LAMA2: variants seen among roughly 807,000 people sequenced by gnomAD.
The protein encoded by LAMA2 is laminin subunit alpha-2.
In LAMA2, 269 loss-of-function variants were observed where a neutral mutation model predicts 364.8. The ratio of observed to expected loss-of-function variants is 0.74; its 90% CI spans 0.67 to 0.82. The LOEUF (loss-of-function observed/expected upper bound fraction) is 0.82. LAMA2 is among the 40% of genes least tolerant of loss of function. The pLI is 0.00. For missense variants in LAMA2, 3,807 were observed against 3,873.2 expected, an observed-to-expected ratio of 0.98 and a Z score of 0.45; for synonymous variants, 1,379 against 1,370.6, an observed-to-expected ratio of 1.01 and a Z score of -0.14.
At chr6:129,273,601 T>G (rs770787768) in intron 17 of LAMA2, among the ~76,000 whole-genome samples, 20 of 152,154 alleles carry the variant, frequency 1.3e-4, no homozygotes, top group Non-Finnish European at 2.6e-4. Flanking sequence ...GACCCATTGT[T>G]GTCTCTTTAT....
intron 4 of LAMA2, among the ~76,000 whole-genome samples, chr6:129,101,331 G>C (rs1775508994): frequency 6.6e-6 from 1 of 152,086 alleles, no homozygotes; most frequent in African/African-American, 2.4e-5. Flanking sequence ...GTTAAACTCG[G>C]TACATACAGA....
chr6:128,991,704 A>T (rs1783624407), intron 1 of LAMA2, among the ~76,000 whole-genome samples: 1 of 152,226 alleles, frequency 6.6e-6, no homozygotes, highest in African/African-American at 2.4e-5. Flanking sequence ...CTAGGACAAA[A>T]TAAAATGAGA....
In LAMA2 at chr6:129,228,656, A is replaced by G. The variant is rs189896753; in HGVS notation, c.1783-21456A>G. On this transcript the variant is annotated intron_variant, in intron 12 of 64. Transcript: ENST00000421865. ...GAAAGAGAGAGCATATATACCCTGA[A>G]GGCATTTTTAATTATAATATTGTAA... Among the ~76,000 whole-genome samples the G allele has an allele frequency of 2.6e-4, 39 of 152,358 alleles. 1 individual carries two copies. Among genetic ancestry groups the G allele is most frequent in the Middle Eastern group, 3.4e-3 (1 of 294 alleles).
intron 51 of LAMA2, among the ~76,000 whole-genome samples, chr6:129,466,819 A>C (rs1401718037): frequency 6.6e-6 from 1 of 151,924 alleles, no homozygotes; most frequent in Non-Finnish European, 1.5e-5. Context: ...GAACCAGTGC[A>C]TAAGGGGACA....
intron 17 of LAMA2, among the ~76,000 whole-genome samples, chr6:129,271,929 A>G (rs1207274503): frequency 6.6e-6 from 1 of 152,160 alleles, no homozygotes; most frequent in Non-Finnish European, 1.5e-5. Context: ...ACTATAAGCT[A>G]AAGACTTTGA....
chr6:129,215,042 T>C (rs1783338876), intron 12 of LAMA2, among the ~76,000 whole-genome samples: 1 of 152,152 alleles, frequency 6.6e-6, no homozygotes, highest in African/African-American at 2.4e-5. Flanking sequence ...GTATAAATGG[T>C]CTTGTGTTTT....
chr6:129,327,225 A>G (rs1437919733), intron 28 of LAMA2, among the ~76,000 whole-genome samples: 1 of 152,190 alleles, frequency 6.6e-6, no homozygotes, highest in Non-Finnish European at 1.5e-5. Context: ...AAAATAAACA[A>G]GGAGGGTGCT....
intron 1 of LAMA2, among the ~76,000 whole-genome samples, chr6:128,987,135 T>G (rs548008283): frequency 0.096 from 3,557 of 37,184 alleles, 153 homozygotes; most frequent in African/African-American, 0.27. Context: ...TGTTTTTTTT[T>G]TTTTGTTTTT....
chr6:129,494,088 G>A (rs1016170207), intron 58 of LAMA2, among the ~76,000 whole-genome samples: 2 of 152,162 alleles, frequency 1.3e-5, no homozygotes, highest in African/African-American at 2.4e-5. Flanking sequence ...TCTTCCACAG[G>A]CTATGCCAAT....
At chr6:129,406,774 A>G (rs182350493) in intron 40 of LAMA2, among the ~76,000 whole-genome samples, 361 of 152,290 alleles carry the variant, frequency 2.4e-3, no homozygotes, top group African/African-American at 8.1e-3. Flanking sequence ...AGATGTATAC[A>G]AGAAGGGGGG....
At chr6:129,290,859 G>T (rs1216238544) in intron 19 of LAMA2, among the ~76,000 whole-genome samples, 1 of 152,084 alleles carries the variant, frequency 6.6e-6, no homozygotes, top group Non-Finnish European at 1.5e-5. Context: ...TGTATGTTTG[G>T]AGATAGCATA....
At chr6:129,389,733 AAG>A (rs766870275) in intron 35 of LAMA2, among the ~76,000 whole-genome samples, 3 of 152,202 alleles carry the variant, frequency 2.0e-5, no homozygotes, top group Admixed American at 6.5e-5. Flanking sequence ...AGTGGCAGGA[AAG>A]AGAGAGAATG....
chr6:129,300,788 C>G lies in LAMA2; in HGVS notation c.3090C>G (p.Cys1030Trp). 6.2e-7 allele frequency: 1 copy of G among 1,612,834 alleles called. No individual in the cohort carries two copies. The highest frequency in any genetic ancestry group is 1.1e-5 in the South Asian group (1 of 91,064). ...GNNCDPKTGR[C>W]ICPPNTIGEK... ...ATTGTGACCCAAAGACTGGGCGATG[C>G]ATTTGCCCTCCCAATACCATTGGAG... The change falls in exon 22 of 65, where the codon TGC becomes TGG. Residue 1030 changes from cysteine (C) to tryptophan (W), a missense_variant. By Grantham distance (215) the Cys-to-Trp change is radical. This residue lies in a region of LAMA2 where 3,333 missense variants were observed against 3,345.7 expected (regional missense o/e 1.00). Transcript: ENST00000421865.
chr6:129,510,456 A>G (rs988781174), intron 62 of LAMA2, among the ~76,000 whole-genome samples: 1 of 152,184 alleles, frequency 6.6e-6, no homozygotes, highest in Non-Finnish European at 1.5e-5. Flanking sequence ...TCTGCAATTA[A>G]TGTACTTTAA....
intron 40 of LAMA2, among the ~76,000 whole-genome samples, chr6:129,425,094 T>A (rs574567087): frequency 2.6e-5 from 4 of 151,940 alleles, no homozygotes; most frequent in Non-Finnish European, 5.9e-5. Flanking sequence ...GGAAAGCAGA[T>A]CAGTATTTGT....
At position 129,491,898 on chromosome 6, in the gene LAMA2, C is replaced by T. The variant is rs549227397; in HGVS notation, c.7899-3C>T. On this transcript the variant is annotated splice_polypyrimidine_tract_variant and splice_region_variant and intron_variant, in intron 56 of 64. Coordinates refer to ENST00000421865, the MANE Select transcript of LAMA2 (RefSeq NM_000426.4). ...TACTTGTTTATTTTTAATATTTTAT[C>T]AGCATCTTTACAGTTCAAGTGGATG... 3.3e-5 allele frequency: 53 copies of T among 1,598,738 alleles called. No individual in the cohort carries two copies. The highest frequency in any genetic ancestry group is 3.9e-5 in the Non-Finnish European group (46 of 1,166,288).
chr6:129,504,774 G>A (rs967741647), intron 60 of LAMA2, among the ~76,000 whole-genome samples: 15 of 152,198 alleles, frequency 9.9e-5, no homozygotes, highest in African/African-American at 1.7e-4. Flanking sequence ...GGGATGTAGC[G>A]TATCTGAAAT....
At chr6:129,334,759 G>A (rs1775850360) in intron 29 of LAMA2, among the ~76,000 whole-genome samples, 1 of 152,108 alleles carries the variant, frequency 6.6e-6, no homozygotes, top group Non-Finnish European at 1.5e-5. Context: ...CCTGGTCATA[G>A]CTGACCCCTT....
At chr6:128,993,187 T>G (rs1230140786) in intron 1 of LAMA2, among the ~76,000 whole-genome samples, 2 of 152,174 alleles carry the variant, frequency 1.3e-5, no homozygotes, top group Non-Finnish European at 2.9e-5. Flanking sequence ...CAAAAAACAT[T>G]CTGACTAAAA....
Sources: allele counts gnomAD v4.1 joint callset (sites outside exome capture counted in the v4.1 genomes callset), GRCh38; gene constraint gnomAD v4.1.1; regional missense constraint gnomAD v4.1.1; transcripts MANE v1.5; gene names NCBI Gene and HGNC (gene_info 2026-07-23, HGNC 2026-07-21).